Variants in ZFC3H1 observed in about 807,000 individuals in gnomAD.
The protein encoded by ZFC3H1 is zinc finger C3H1-type containing.
In ZFC3H1, 71 loss-of-function variants were observed where a neutral mutation model predicts 243.7. The observed-to-expected ratio is 0.29, with a 90% CI of 0.24 to 0.36. The LOEUF is 0.36. Ranked by LOEUF, ZFC3H1 falls within the 10% of genes least tolerant of loss-of-function variation. The pLI is 1.00. For missense variants in ZFC3H1, 1,966 were observed against 2,317.1 expected (o/e 0.85, Z 3.11); for synonymous variants, 838 against 813.0 (o/e 1.03, Z -0.52).
At position 71,663,194 on chromosome 12, in the gene ZFC3H1, G is replaced by C. The variant is rs1169911829; in HGVS notation, c.417C>G (p.Leu139=). ...CTCGAAAGCGGAAACGGTCCAAGGC[G>C]AGGTGGCTCCGCTCCCAGAAAGACG... The part of the protein sequence containing the change: ...PRPSFWERSH[L]ALDRFRFRGR... Residue 139 remains leucine, a synonymous_variant, in exon 1 of 35, where the codon CTC becomes CTG. Transcript: ENST00000378743. 1.9e-6 allele frequency: 3 copies of C among 1,614,014 alleles called. No individual in the cohort carries two copies. The Admixed American group carries it at 5.0e-5, about 27-fold the overall frequency.
chr12:71,644,799 C>A, intron 4 of ZFC3H1, 78 bp downstream of exon 4: 1 of 1,513,426 alleles, frequency 6.6e-7, no homozygotes, highest in South Asian at 1.3e-5. Flanking sequence ...GCCTGGGCGA[C>A]AAGAGCAAAA....
intron 22 of ZFC3H1, among the ~76,000 whole-genome samples, chr12:71,625,619 G>A (rs867875099): frequency 1.2e-4 from 19 of 152,182 alleles, no homozygotes; most frequent in African/African-American, 3.9e-4. Context: ...GGGTCCAGGA[G>A]GTAGAGGCTG....
chr12:71,647,653 G>C, intron 3 of ZFC3H1, 96 bp downstream of exon 3: 1 of 664,804 alleles, frequency 1.5e-6, no homozygotes, highest in Non-Finnish European at 2.5e-6. Flanking sequence ...AAGAAAATAA[G>C]TGAAAGTAAG....
intron 1 of ZFC3H1, chr12:71,660,170 T>C (rs893281691): frequency 3.9e-5 from 6 of 152,190 alleles, no homozygotes; most frequent in Non-Finnish European, 8.8e-5. Context: ...TATACAGTAT[T>C]TGTAAAATAA....
Position 71,611,137 on chromosome 12 carries a change from A to G in ZFC3H1, c.5730-40T>C, listed in dbSNP as rs555789475. ...AAAAAAAAGAAATATAGAAAAAGGA[A>G]AAGAAAAATTTATATATCTTTGAAC... On this transcript the variant is annotated intron_variant, in intron 32 of 34. Transcript: ENST00000378743. 1.2e-3 allele frequency: 1,800 copies of G among 1,515,856 alleles called. 3 individuals are homozygous for G. The highest frequency in any genetic ancestry group is 1.5e-3 in the Non-Finnish European group (1,718 of 1,135,802). 93.9% of individuals were successfully genotyped at this position (1,515,856 alleles called of 1,614,324 possible).
At chr12:71,612,581 T>C (rs1879798917) in intron 31 of ZFC3H1, among the ~76,000 whole-genome samples, 1 of 152,166 alleles carries the variant, frequency 6.6e-6, no homozygotes, top group Non-Finnish European at 1.5e-5. Context: ...GTTTTTAAAC[T>C]TTTATACGAT....
intron 18 of ZFC3H1, among the ~76,000 whole-genome samples, chr12:71,630,153 T>C (rs12320144): frequency 4.3e-4 from 66 of 152,302 alleles, no homozygotes; most frequent in African/African-American, 1.5e-3. Context: ...TCTTATTTCA[T>C]TATAGAATTG....
rs115366908 is a variant in ZFC3H1, at chr12:71,662,480, T to C, written c.598+533A>G. ...ACAGACTTGGTAAAGACACCAGAGT[T>C]GTTTTTTTTTTACCCCTCCCCCCCC... On this transcript the variant is annotated intron_variant, in intron 1 of 34. Transcript: ENST00000378743. 6.4e-3 allele frequency among the ~76,000 whole-genome samples: 935 copies of C among 145,188 alleles called. 12 individuals are homozygous for C. The highest frequency in any genetic ancestry group is 0.022 in the African/African-American group (890 of 39,774).
intron 18 of ZFC3H1, 102 bp downstream of exon 18, chr12:71,630,498 T>C (rs551755479): frequency 1.4e-6 from 2 of 1,413,494 alleles, no homozygotes; most frequent in African/African-American, 2.9e-5. Context: ...GTAAATACAC[T>C]GAATTATAGT....
chr12:71,643,125 A>C (rs1208519019), intron 5 of ZFC3H1, among the ~76,000 whole-genome samples: 1 of 152,212 alleles, frequency 6.6e-6, no homozygotes. Flanking sequence ...AAGGAGGTAA[A>C]GAATAATGTG....
At position 71,634,827 on chromosome 12, in the gene ZFC3H1, T is replaced by TA. The variant is rs34399921; in HGVS notation, c.2239-3dup. ...AGGTACTTTCGGTTTTGAAGCTTGC[T>TA]AAAAAAAAAAAAACATTTGAAGTCA... On this transcript the variant is annotated splice_polypyrimidine_tract_variant and splice_region_variant and intron_variant, in intron 10 of 34. Coordinates refer to ENST00000378743, the MANE Select transcript of ZFC3H1 (RefSeq NM_144982.5). 0.033 allele frequency: 44,107 copies of TA among 1,336,788 alleles called. 36 individuals carry two copies. The highest frequency in any genetic ancestry group is 0.13 in the East Asian group (4,352 of 32,976). 82.8% of individuals were successfully genotyped at this position (1,336,788 alleles called of 1,614,324 possible).
chr12:71,623,068 A>G (rs1287179872), intron 24 of ZFC3H1, among the ~76,000 whole-genome samples: 1 of 151,940 alleles, frequency 6.6e-6, no homozygotes, highest in African/African-American at 2.4e-5. Flanking sequence ...GATTTAATCA[A>G]TTCATCAAAC....
Position 71,632,082 on chromosome 12 carries a change from G to C in ZFC3H1, c.3250C>G (p.Leu1084Val). Residue 1084 changes from leucine (L) to valine (V), a missense_variant, in exon 15 of 35, where the codon CTA (leucine) becomes GTA (valine). By Grantham distance (32) the Leu-to-Val change is conservative. Around this residue, in one of 4 missense-constraint regions of ZFC3H1, gnomAD observed 1,383 missense variants for 1,723.7 expected, o/e 0.80. Transcript: ENST00000378743. ...KNTVEKPELF[L>V]GLKIGELQKL... ...TGCAATTCACCAATTTTTAACCCTA[G>C]AAAAAGTTCTGGTTTTTCTACAGTA... The C allele has an allele frequency of 6.2e-7, 1 of 1,610,640 alleles. No homozygotes were observed. The highest frequency in any genetic ancestry group is 8.5e-7 in the Non-Finnish European group (1 of 1,179,094).
intron 16 of ZFC3H1, among the ~76,000 whole-genome samples, 159 bp downstream of exon 16, chr12:71,631,619 C>T (rs770160817): frequency 1.6e-4 from 25 of 152,078 alleles, no homozygotes; most frequent in Non-Finnish European, 2.6e-4. Context: ...TTGAGCCCAA[C>T]GGCAGGACAC....
chr12:71,617,103 T>C (rs1028802108), intron 27 of ZFC3H1, among the ~76,000 whole-genome samples: 3 of 152,200 alleles, frequency 2.0e-5, no homozygotes, highest in East Asian at 1.9e-4. Context: ...GTAAAAATTA[T>C]AGTGCTAAGC....
chr12:71,638,297 A>C, intron 7 of ZFC3H1, 121 bp downstream of exon 7: 1 of 939,572 alleles, frequency 1.1e-6, no homozygotes, highest in Non-Finnish European at 1.6e-6. Context: ...TTTCATTGCT[A>C]TTAATTCTTG....
chr12:71,615,114 A>G (rs1032380341), intron 28 of ZFC3H1, 92 bp downstream of exon 28: 1 of 1,222,146 alleles, frequency 8.2e-7, no homozygotes, highest in African/African-American at 1.5e-5. Flanking sequence ...TGACTTTAAC[A>G]TCAAGTTAAT....
chr12:71,642,163 C>T (rs531173659), intron 6 of ZFC3H1, among the ~76,000 whole-genome samples: 2 of 152,260 alleles, frequency 1.3e-5, no homozygotes, highest in Non-Finnish European at 2.9e-5. Context: ...TCTTCACTTT[C>T]TAGAGCAAAC....
At chr12:71,637,742 A>G (rs1341204300) in intron 7 of ZFC3H1, among the ~76,000 whole-genome samples, 2 of 152,082 alleles carry the variant, frequency 1.3e-5, no homozygotes, top group African/African-American at 2.4e-5. Context: ...CCCTCACCAT[A>G]TATGTTCTAG....
Sources: gnomAD v4.1 joint callset for allele counts (sites outside exome capture counted in the v4.1 genomes callset) on GRCh38, gnomAD v4.1.1 for gene constraint, gnomAD v4.1.1 regional missense constraint, MANE v1.5 for transcripts, NCBI Gene and HGNC (gene_info 2026-07-23, HGNC 2026-07-21) for gene names.